Variants in N4BP1 observed in about 807,000 individuals in gnomAD.
N4BP1 encodes NEDD4-binding protein 1.
N4BP1 carries 21 observed loss-of-function variants against 70.9 expected under a neutral mutation model. That is an observed-to-expected ratio of 0.30 (90% CI 0.21 to 0.43). The LOEUF is 0.43. Ranked by LOEUF, N4BP1 falls within the 20% of genes least tolerant of loss-of-function variation. N4BP1 has a pLI of 1.00. For missense variants in N4BP1, 936 were observed against 1,069.4 expected (o/e 0.88, Z 1.74); for synonymous variants, 387 against 394.6 (o/e 0.98, Z 0.23).
intron 1 of N4BP1, chr16:48,600,288 A>G (rs932130798): frequency 7.9e-6 from 9 of 1,141,960 alleles, no homozygotes; most frequent in Non-Finnish European, 1.2e-5. Flanking sequence ...CTTTAAAAAG[A>G]AGCACAATCC....
intron 1 of N4BP1, among the ~76,000 whole-genome samples, chr16:48,599,595 G>A (rs1405312563): frequency 6.6e-6 from 1 of 152,126 alleles, no homozygotes; most frequent in Non-Finnish European, 1.5e-5. Flanking sequence ...CCTCACAAAT[G>A]AGTTAAATGA....
intron 1 of N4BP1, among the ~76,000 whole-genome samples, chr16:48,591,137 T>G (rs922305387): frequency 6.6e-6 from 1 of 152,198 alleles, no homozygotes; most frequent in African/African-American, 2.4e-5. Context: ...AATTGGCTCC[T>G]CTAAGCACCT....
At chr16:48,551,112 C>A (rs977703259) in intron 4 of N4BP1, among the ~76,000 whole-genome samples, 2 of 152,160 alleles carry the variant, frequency 1.3e-5, no homozygotes, top group African/African-American at 4.8e-5. Context: ...TAAGACAAGA[C>A]AAACATTACT....
At chr16:48,573,082 C>T (rs1459410619) in intron 1 of N4BP1, among the ~76,000 whole-genome samples, 1 of 149,710 alleles carries the variant, frequency 6.7e-6, no homozygotes, top group Non-Finnish European at 1.5e-5. Flanking sequence ...GCACTCTAGC[C>T]TGGGCAACAG....
rs902210883 is a variant in N4BP1 at position 48,563,488 on chromosome 16, C to T, written c.199-1044G>A. 6.6e-5 allele frequency among the ~76,000 whole-genome samples: 10 copies of T among 151,630 alleles called. No homozygotes were observed. In the East Asian group the frequency reaches 1.4e-3, roughly 21 times the overall value. ...AATGGCGCGATCTCCCAGGTTCAAG[C>T]GACTCTTCTGCCTCAGCCTCCCAAG... On this transcript the variant is annotated intron_variant, in intron 1 of 6. Coordinates refer to ENST00000262384, the MANE Select transcript of N4BP1 (RefSeq NM_153029.4).
chr16:48,591,882 TGACG>T (rs887784231), intron 1 of N4BP1, among the ~76,000 whole-genome samples: 1 of 107,590 alleles, frequency 9.3e-6, no homozygotes, highest in African/African-American at 5.0e-5. Context: ...TTATGTTACC[TGACG>T]TTTTTTTTTT....
chr16:48,608,088 C>G (rs986436176), intron 1 of N4BP1, among the ~76,000 whole-genome samples: 1 of 152,186 alleles, frequency 6.6e-6, no homozygotes, highest in African/African-American at 2.4e-5. Flanking sequence ...GAGTGAGACC[C>G]TGTCTCAAAC....
rs191480603 is a variant in N4BP1, at chr16:48,563,470, C to T, written c.199-1026G>A. On this transcript the variant is annotated intron_variant, in intron 1 of 6. Transcript: ENST00000262384. ...TCACCCAGGCTGGAGTGGAATGGCG[C>T]GATCTCCCAGGTTCAAGCGACTCTT... 1.4e-3 allele frequency among the ~76,000 whole-genome samples: 214 copies of T among 151,382 alleles called. 2 individuals carry two copies. The highest frequency in any genetic ancestry group is 2.6e-3 in the Admixed American group (39 of 15,210).
chr16:48,587,365 G>A (rs930088488), intron 1 of N4BP1: 4 of 152,192 alleles, frequency 2.6e-5, no homozygotes, highest in African/African-American at 7.2e-5. Flanking sequence ...GGAACACAAT[G>A]TAATGACTGA....
chr16:48,565,144 A>G (rs1258443423), intron 1 of N4BP1, among the ~76,000 whole-genome samples: 1 of 152,160 alleles, frequency 6.6e-6, no homozygotes, highest in Admixed American at 6.5e-5. Flanking sequence ...TCTGATTTAT[A>G]TGCCGTTTAT....
rs1963706162 is a variant in N4BP1, at chr16:48,553,559, C to T, written c.2000G>A (p.Arg667Lys). The T allele has an allele frequency of 1.3e-6, 2 of 1,580,196 alleles. No individual in the cohort carries two copies. The highest frequency in any genetic ancestry group is 1.7e-4 in the Middle Eastern group (1 of 5,960). Reference sequence around the variant, plus strand: ...CTCACCTGTGACATTAGGATCACGCCTTGTTCTCCACTGAGGGACAAATAC... The same window carrying T: ...CTCACCTGTGACATTAGGATCACGCTTTGTTCTCCACTGAGGGACAAATAC... Reference protein sequence around the residue: ...ITVFVPQWRTRRDPNVTEQHF... With the variant: ...ITVFVPQWRTKRDPNVTEQHF... The change falls in exon 3 of 7, where the codon AGG (arginine) becomes AAG (lysine). Residue 667 changes from arginine (R) to lysine (K), a missense_variant. By Grantham distance (26) the Arg-to-Lys change is conservative (BLOSUM62 2). Coordinates refer to ENST00000262384, the MANE Select transcript of N4BP1 (RefSeq NM_153029.4).
At chr16:48,543,319 G>A in intron 6 of N4BP1, 58 bp from the exon 7 acceptor site, 1 of 1,365,596 alleles carries the variant, frequency 7.3e-7, no homozygotes, top group Non-Finnish European at 9.7e-7. Flanking sequence ...AAATCATAGA[G>A]CTATTTTAGA....
intron 1 of N4BP1, among the ~76,000 whole-genome samples, chr16:48,568,583 A>C (rs558177419): frequency 6.6e-6 from 1 of 152,286 alleles, no homozygotes; most frequent in South Asian, 2.1e-4. Context: ...AGAATGCTTT[A>C]TTTCATTTTC....
At chr16:48,543,535 C>T (rs1963541412) in intron 6 of N4BP1, among the ~76,000 whole-genome samples, 1 of 152,158 alleles carries the variant, frequency 6.6e-6, no homozygotes, top group African/African-American at 2.4e-5. Flanking sequence ...TGAGGACTGA[C>T]CCCATCCAGC....
chr16:48,550,129 T>C (rs1041778310), intron 4 of N4BP1, among the ~76,000 whole-genome samples: 2 of 152,182 alleles, frequency 1.3e-5, no homozygotes, highest in African/African-American at 2.4e-5. Context: ...CAAAATTCTT[T>C]AGGGCAGAAG....
chr16:48,578,972 G>C (rs1964138388), intron 1 of N4BP1, among the ~76,000 whole-genome samples: 1 of 152,088 alleles, frequency 6.6e-6, no homozygotes, highest in Admixed American at 6.5e-5. Flanking sequence ...TTCTCAGCTA[G>C]GTGAGATTTT....
intron 1 of N4BP1, among the ~76,000 whole-genome samples, chr16:48,573,666 C>T (rs1336367009): frequency 3.9e-5 from 6 of 152,130 alleles, no homozygotes; most frequent in Admixed American, 2.0e-4. Context: ...TAAGGGGTAC[C>T]GACACTCCCC....
At chr16:48,609,270 G>C (rs960837133) in intron 1 of N4BP1, among the ~76,000 whole-genome samples, 1 of 152,126 alleles carries the variant, frequency 6.6e-6, no homozygotes, top group Non-Finnish European at 1.5e-5. Flanking sequence ...TTCTCCGAGC[G>C]TTTTATTACT....
At chr16:48,581,449 G>T (rs190076989) in intron 1 of N4BP1, among the ~76,000 whole-genome samples, 6 of 152,036 alleles carry the variant, frequency 3.9e-5, no homozygotes, top group Non-Finnish European at 7.4e-5. Context: ...ACACTAGAAA[G>T]AAAAAAGTTA....
Sources: allele counts gnomAD v4.1 joint callset (sites outside exome capture counted in the v4.1 genomes callset), GRCh38; gene constraint gnomAD v4.1.1; transcripts MANE v1.5; gene names NCBI Gene and HGNC (gene_info 2026-07-23, HGNC 2026-07-21).